PCDHA6: variants seen among roughly 807,000 people sequenced by gnomAD.
PCDHA6 encodes protocadherin alpha-6.
In PCDHA6, 55 loss-of-function variants were observed where a neutral mutation model predicts 60.3. That is an observed-to-expected ratio of 0.91 (90% confidence interval 0.73 to 1.14). PCDHA6 has a LOEUF of 1.14. Ranked by LOEUF, PCDHA6 falls within the 50% of genes most tolerant of loss-of-function variation. PCDHA6 has a pLI of 0.00. For synonymous variants in PCDHA6, 652 were observed against 557.9 expected (o/e 1.17, Z -2.38); for missense variants, 1,327 against 1,256.5 (o/e 1.06, Z -0.85).
At chr5:140,882,374 C>A in intron 1 of PCDHA6, 1 of 1,614,186 alleles carries the variant, frequency 6.2e-7, no homozygotes, top group East Asian at 2.2e-5. Flanking sequence ...CTACTCCGTC[C>A]CCGAGGAAGC....
intron 1 of PCDHA6, chr5:140,841,734 A>G: frequency 2.5e-6 from 4 of 1,613,870 alleles, no homozygotes; most frequent in Non-Finnish European, 3.4e-6. Context: ...GTAAAAGACC[A>G]AAAGCTGTTT....
At chr5:140,980,436 C>T (rs1364418994) in intron 2 of PCDHA6, among the ~76,000 whole-genome samples, 1 of 152,134 alleles carries the variant, frequency 6.6e-6, no homozygotes, top group Admixed American at 6.5e-5. Context: ...TCGAGACCAT[C>T]CTGGACAACA....
chr5:140,938,025 C>A (rs1431326044), intron 1 of PCDHA6, among the ~76,000 whole-genome samples: 5 of 151,978 alleles, frequency 3.3e-5, no homozygotes, highest in Non-Finnish European at 7.4e-5. Context: ...AGTAAAATCT[C>A]ATATTTTTAT....
intron 1 of PCDHA6, among the ~76,000 whole-genome samples, chr5:140,872,998 G>C (rs2054022914): frequency 6.6e-6 from 1 of 152,060 alleles, no homozygotes; most frequent in African/African-American, 2.4e-5. Flanking sequence ...TTACTTCTGA[G>C]TCATTCTTCA....
At chr5:140,914,023 G>A (rs1434570010) in intron 1 of PCDHA6, among the ~76,000 whole-genome samples, 5 of 152,112 alleles carry the variant, frequency 3.3e-5, no homozygotes, top group African/African-American at 7.2e-5. Context: ...AATGATCCAC[G>A]TGCTGAGAAG....
intron 1 of PCDHA6, among the ~76,000 whole-genome samples, chr5:140,901,839 A>G (rs578262204): frequency 6.6e-6 from 1 of 152,226 alleles, no homozygotes; most frequent in Admixed American, 6.5e-5. Context: ...TAAACATGCA[A>G]TATCTTTCCA....
At chr5:140,968,659 C>A (rs781863651) in intron 1 of PCDHA6, 6 of 1,614,160 alleles carry the variant, frequency 3.7e-6, no homozygotes, top group East Asian at 2.2e-5. Context: ...CTGACCTGGA[C>A]CTCTTTAAGG....
chr5:140,857,555 C>G, intron 1 of PCDHA6: 1 of 1,597,062 alleles, frequency 6.3e-7, no homozygotes, highest in East Asian at 2.2e-5. Flanking sequence ...CGAGCGCTCG[C>G]TGTCGAGCTA....
intron 1 of PCDHA6, among the ~76,000 whole-genome samples, chr5:140,888,973 A>G (rs1173174070): frequency 2.6e-5 from 4 of 152,078 alleles, no homozygotes; most frequent in African/African-American, 9.7e-5. Flanking sequence ...TAATGTGTTG[A>G]ATTTATGATT....
intron 3 of PCDHA6, among the ~76,000 whole-genome samples, chr5:141,004,852 GA>G (rs1474938614): frequency 6.6e-6 from 1 of 152,202 alleles, no homozygotes; most frequent in African/African-American, 2.4e-5. Flanking sequence ...TAGTCTCAGA[GA>G]AAAAATTTGT....
At chr5:140,888,260 A>G (rs563968634) in intron 1 of PCDHA6, among the ~76,000 whole-genome samples, 1 of 152,194 alleles carries the variant, frequency 6.6e-6, no homozygotes, top group South Asian at 2.1e-4. Flanking sequence ...GTAGTTCTTG[A>G]TAAGAAACAG....
intron 1 of PCDHA6, among the ~76,000 whole-genome samples, chr5:140,949,294 T>C (rs1554218899): frequency 1.3e-5 from 2 of 151,840 alleles, no homozygotes; most frequent in African/African-American, 4.8e-5. Flanking sequence ...TATTCTGTAA[T>C]TGTTGGGTGT....
intron 1 of PCDHA6, among the ~76,000 whole-genome samples, chr5:140,975,601 G>A (rs943598203): frequency 1.2e-4 from 19 of 152,192 alleles, no homozygotes; most frequent in African/African-American, 4.6e-4. Flanking sequence ...GCAATTTGTT[G>A]ATGTCTTCCA....
At position 140,830,060 on chromosome 5, in the gene PCDHA6, C is replaced by CCGAG; in HGVS notation, c.1971_1972insAGCG (p.Ala658SerfsTer117). 1.2e-6 allele frequency: 2 copies of CCGAG among 1,613,712 alleles called. No homozygotes were observed. The highest frequency in any genetic ancestry group is 1.7e-6 in the Non-Finnish European group (2 of 1,179,884). ...GGTGCTGGTGAAAGACCACGGTGAG[C>CCGAG]CGGCGCTGACAGCGACGGCCACGGT... On this transcript the variant is annotated frameshift_variant, in exon 1 of 4. Transcript: ENST00000529310. LOFTEE classifies it high-confidence loss of function.
intron 1 of PCDHA6, chr5:140,876,536 T>C (rs782148318): frequency 1.2e-6 from 2 of 1,614,238 alleles, no homozygotes; most frequent in Non-Finnish European, 1.7e-6. Context: ...GTTACTTCAC[T>C]GTCGCTCCCT....
chr5:140,940,736 A>G (rs1554213579), intron 1 of PCDHA6, among the ~76,000 whole-genome samples: 1 of 152,200 alleles, frequency 6.6e-6, no homozygotes, highest in Non-Finnish European at 1.5e-5. Flanking sequence ...GGACAGCTCC[A>G]TATTTTTATG....
intron 1 of PCDHA6, chr5:140,836,561 G>A (rs1554136082): frequency 1.1e-5 from 18 of 1,613,566 alleles, no homozygotes; most frequent in Admixed American, 1.7e-5. Flanking sequence ...GCTCAGCGCC[G>A]TCCTCTGAGG....
intron 3 of PCDHA6, among the ~76,000 whole-genome samples, chr5:140,995,639 A>G (rs1410943855): frequency 6.6e-6 from 1 of 152,190 alleles, no homozygotes; most frequent in Non-Finnish European, 1.5e-5. Context: ...TGGAGTGTTT[A>G]GAAAAGGAGA....
chr5:141,009,975 GTAA>G lies in PCDHA6; in HGVS notation c.*43_*45del. The G allele has an allele frequency of 6.3e-7, 1 of 1,585,060 alleles. No individual in the cohort carries two copies. Among genetic ancestry groups the G allele is most frequent in the Non-Finnish European group, 8.6e-7 (1 of 1,168,878 alleles). ...GAAACAAGCCACTTAGCCAGTTTTT[GTAA>G]TAATGGCAAATCTCTCCCATGTAGC... On this transcript the variant is annotated 3_prime_UTR_variant, in exon 4 of 4. Coordinates refer to ENST00000529310, the MANE Select transcript of PCDHA6 (RefSeq NM_018909.4).
Sources: gnomAD v4.1 joint callset for allele counts (sites outside exome capture counted in the v4.1 genomes callset) on GRCh38, gnomAD v4.1.1 for gene constraint, MANE v1.5 for transcripts, NCBI Gene and HGNC (gene_info 2026-07-23, HGNC 2026-07-21) for gene names.